The following BCAT1 variants were observed in gnomAD, a reference collection of about 807,000 sequenced individuals.
The protein encoded by BCAT1 is branched chain amino acid transaminase 1.
BCAT1 carries 48 observed loss-of-function variants against 52.4 expected under a neutral mutation model. That is an observed-to-expected ratio of 0.92 (90% CI 0.73 to 1.16). BCAT1 has a LOEUF of 1.16. Among genes scored for constraint, BCAT1 ranks in the 50% most tolerant of loss-of-function variants. The pLI is 0.00. For missense variants in BCAT1, 451 were observed against 457.1 expected, an observed-to-expected ratio of 0.99 and a Z score of 0.12; for synonymous variants, 167 against 161.3, an observed-to-expected ratio of 1.04 and a Z score of -0.27.
chr12:24,871,251 T>A (rs1942177856), intron 5 of BCAT1, among the ~76,000 whole-genome samples: 1 of 152,172 alleles, frequency 6.6e-6, no homozygotes, highest in Non-Finnish European at 1.5e-5. Context: ...CTTTCAATAA[T>A]TCCTTGGGTT....
intron 1 of BCAT1, among the ~76,000 whole-genome samples, chr12:24,921,973 A>G (rs927478565): frequency 2.0e-5 from 3 of 151,604 alleles, no homozygotes; most frequent in Admixed American, 1.3e-4. Context: ...ACTAGCACAC[A>G]TGTGCACACA....
Position 24,881,420 on chromosome 12 carries a change from C to T in BCAT1, c.280-9G>A. 6.4e-7 allele frequency: 1 copy of T among 1,574,694 alleles called. No individual in the cohort carries two copies. Among genetic ancestry groups the T allele is most frequent in the East Asian group, 2.2e-5 (1 of 44,656 alleles). ...TTCAATCCTTCAAATAACTGGAGAT[C>T]AAAGAGAAAAAATCTTAGAGGGTAA... On this transcript the variant is annotated splice_polypyrimidine_tract_variant and intron_variant, in intron 3 of 10. Transcript: ENST00000261192.
At chr12:24,868,643 A>G (rs1273772492) in intron 5 of BCAT1, among the ~76,000 whole-genome samples, 1 of 152,248 alleles carries the variant, frequency 6.6e-6, no homozygotes, top group Admixed American at 6.5e-5. Context: ...TCACTTTCAT[A>G]TGGATTTCAT....
At chr12:24,926,434 C>T (rs1158586703) in intron 1 of BCAT1, among the ~76,000 whole-genome samples, 4 of 152,260 alleles carry the variant, frequency 2.6e-5, no homozygotes, top group Admixed American at 1.3e-4. Flanking sequence ...CCCCTCTGCC[C>T]GGCCGCCACC....
At chr12:24,903,936 G>A (rs887952433) in intron 1 of BCAT1, 1 of 152,206 alleles carries the variant, frequency 6.6e-6, no homozygotes, top group African/African-American at 2.4e-5. Context: ...TTGGAAAGAG[G>A]GGGAGGGCAG....
chr12:24,946,521 T>C (rs959392791), intron 1 of BCAT1, among the ~76,000 whole-genome samples: 2 of 152,206 alleles, frequency 1.3e-5, no homozygotes, highest in Admixed American at 6.5e-5. Context: ...ATATAAACTA[T>C]TGATAGGCTA....
intron 10 of BCAT1, among the ~76,000 whole-genome samples, chr12:24,819,347 T>C (rs1362593627): frequency 1.3e-5 from 2 of 152,196 alleles, no homozygotes; most frequent in South Asian, 2.1e-4. Context: ...TTTAAATTAA[T>C]ATAAAACATC....
At chr12:24,873,788 T>C (rs1942250068) in intron 5 of BCAT1, among the ~76,000 whole-genome samples, 1 of 152,182 alleles carries the variant, frequency 6.6e-6, no homozygotes, top group Non-Finnish European at 1.5e-5. Context: ...GTATTCTGAA[T>C]TTCAGGTTGT....
At chr12:24,881,462 C>CCT (rs1942496326) in intron 3 of BCAT1, 51 bp from the exon 4 acceptor site, 9 of 1,254,138 alleles carry the variant, frequency 7.2e-6, no homozygotes, top group East Asian at 2.3e-5. Flanking sequence ...GAAAACAACC[C>CCT]GTGTTCAAGA....
intron 4 of BCAT1, 107 bp from the exon 5 acceptor site, chr12:24,878,756 C>T (rs1942416327): frequency 2.7e-6 from 3 of 1,093,602 alleles, no homozygotes; most frequent in Non-Finnish European, 3.7e-6. Context: ...ATAATCCCAA[C>T]ACAAAAAAAT....
intron 10 of BCAT1, among the ~76,000 whole-genome samples, chr12:24,824,363 A>G (rs1394296080): frequency 6.6e-6 from 1 of 151,014 alleles, no homozygotes; most frequent in African/African-American, 2.4e-5. Context: ...CTGTGGCACA[A>G]TCATAGCCCA....
At chr12:24,839,676 C>A (rs1351294457) in intron 7 of BCAT1, among the ~76,000 whole-genome samples, 1 of 152,218 alleles carries the variant, frequency 6.6e-6, no homozygotes, top group Admixed American at 6.5e-5. Context: ...CCCCATCCAC[C>A]TTCCTGCACC....
At chr12:24,882,584 T>A (rs1183826862) in intron 3 of BCAT1, among the ~76,000 whole-genome samples, 1 of 149,182 alleles carries the variant, frequency 6.7e-6, no homozygotes, top group Non-Finnish European at 1.5e-5. Context: ...AAATACTTTA[T>A]TTTTTATTAT....
chr12:24,921,716 G>A (rs1943502430), intron 1 of BCAT1, among the ~76,000 whole-genome samples: 1 of 152,156 alleles, frequency 6.6e-6, no homozygotes, highest in African/African-American at 2.4e-5. Flanking sequence ...TAGTTGTAGA[G>A]GCAGTGAATA....
chr12:24,860,010 A>AC (rs1941810534), intron 5 of BCAT1, among the ~76,000 whole-genome samples: 1 of 152,218 alleles, frequency 6.6e-6, no homozygotes, highest in Non-Finnish European at 1.5e-5. Context: ...ATCAGTAATA[A>AC]TTATAACTGT....
chr12:24,918,977 G>A (rs1943461119), intron 1 of BCAT1, among the ~76,000 whole-genome samples: 1 of 152,154 alleles, frequency 6.6e-6, no homozygotes, highest in Non-Finnish European at 1.5e-5. Flanking sequence ...CCAGTGCTTA[G>A]TACACAGTCA....
chr12:24,928,196 T>C (rs927032803), intron 1 of BCAT1, among the ~76,000 whole-genome samples: 6 of 152,350 alleles, frequency 3.9e-5, no homozygotes, highest in African/African-American at 1.4e-4. Context: ...TCTTAGGTTA[T>C]AGATTCACTC....
chr12:24,887,825 C>CCACTATTTGAAACCTTCAAATATTAT (rs1942728172), intron 3 of BCAT1, among the ~76,000 whole-genome samples: 1 of 152,178 alleles, frequency 6.6e-6, no homozygotes, highest in Non-Finnish European at 1.5e-5. Context: ...CGTCTCTCCT[C>CCACTATTTGAAACCTTCAAATATTAT]CACTATTTGA....
At chr12:24,933,447 A>G (rs182288380) in intron 1 of BCAT1, among the ~76,000 whole-genome samples, 1 of 152,248 alleles carries the variant, frequency 6.6e-6, no homozygotes, top group East Asian at 1.9e-4. Context: ...ACCATGTGTT[A>G]TATGGCCTTT....
Sources: allele counts gnomAD v4.1 joint callset (sites outside exome capture counted in the v4.1 genomes callset), GRCh38; gene constraint gnomAD v4.1.1; transcripts MANE v1.5; gene names NCBI Gene and HGNC (gene_info 2026-07-23, HGNC 2026-07-21).